The following PIWIL4 variants were observed in gnomAD, a reference collection of about 807,000 sequenced individuals.
The protein encoded by PIWIL4 is piwi like RNA-mediated gene silencing 4, also known as piwi-like protein 4.
Under a neutral mutation model 100.9 loss-of-function variants are expected in PIWIL4, and 50 were observed. The ratio of observed to expected loss-of-function variants is 0.50; its 90% CI spans 0.39 to 0.63. PIWIL4 has a LOEUF of 0.63. PIWIL4 is among the 20% of genes least tolerant of loss of function. The probability of loss-of-function intolerance (pLI) is 0.00; values close to 1 mark genes in which losing one functional copy is unlikely to be tolerated. For synonymous variants in PIWIL4, 342 were observed against 367.5 expected (o/e 0.93, Z 0.79); for missense variants, 887 against 1,043.3 (o/e 0.85, Z 2.06).
At chr11:94,599,467 C>T (rs991358122) in intron 11 of PIWIL4, among the ~76,000 whole-genome samples, 3 of 152,172 alleles carry the variant, frequency 2.0e-5, no homozygotes, top group African/African-American at 7.2e-5. Flanking sequence ...GGTACATTGT[C>T]CTGGGTCTCC....
rs1257918344 is a variant in PIWIL4, at chr11:94,619,805, A to G, written c.2214A>G (p.Arg738=). The part of the protein sequence containing the change: ...VIVVRKKCMP[R]FFTEMNRTVQ... ...TGGTCAGGAAGAAGTGCATGCCACG[A>G]TTCTTTACCGAAATGAACCGCACTG... The change falls in exon 18 of 20, where the codon CGA becomes CGG. Residue 738 remains arginine, a synonymous_variant. Coordinates refer to ENST00000299001, the MANE Select transcript of PIWIL4 (RefSeq NM_152431.3). 1.2e-6 allele frequency: 2 copies of G among 1,614,092 alleles called. No homozygotes were observed. The highest frequency in any genetic ancestry group is 1.7e-6 in the Non-Finnish European group (2 of 1,180,044).
intron 13 of PIWIL4, among the ~76,000 whole-genome samples, chr11:94,605,541 A>T (rs541290951): frequency 6.6e-6 from 1 of 152,194 alleles, no homozygotes; most frequent in Non-Finnish European, 1.5e-5. Flanking sequence ...TATCAGTTGC[A>T]TGTGTACATA....
At chr11:94,602,791 T>C (rs1377556370) in intron 12 of PIWIL4, among the ~76,000 whole-genome samples, 1 of 152,212 alleles carries the variant, frequency 6.6e-6, no homozygotes. Flanking sequence ...TCCCAAAGTC[T>C]CATTTAACAC....
At chr11:94,619,959 T>G (rs1160242756) in intron 18 of PIWIL4, 38 bp from the exon 19 acceptor site, 6 of 1,614,042 alleles carry the variant, frequency 3.7e-6, no homozygotes, top group Middle Eastern at 1.6e-4. Flanking sequence ...TTATTCTGTT[T>G]GCCTTCTTTC....
chr11:94,599,218 A>G (rs1256819290), intron 11 of PIWIL4, among the ~76,000 whole-genome samples: 1 of 152,216 alleles, frequency 6.6e-6, no homozygotes, highest in Non-Finnish European at 1.5e-5. Flanking sequence ...AAAATGATCC[A>G]TCTCATAATT....
intron 4 of PIWIL4, among the ~76,000 whole-genome samples, chr11:94,582,269 T>C (rs949667209): frequency 6.6e-6 from 1 of 152,166 alleles, no homozygotes; most frequent in African/African-American, 2.4e-5. Flanking sequence ...CTGCAGCAGT[T>C]TGAGAGGTGG....
At chr11:94,593,437 G>T in intron 8 of PIWIL4, 81 bp from the exon 9 acceptor site, 1 of 1,387,128 alleles carries the variant, frequency 7.2e-7, no homozygotes, top group South Asian at 1.3e-5. Flanking sequence ...TTAATGTTAG[G>T]ATCACCTTGT....
chr11:94,586,082 T>C (rs1406083064), intron 6 of PIWIL4, among the ~76,000 whole-genome samples: 1 of 151,960 alleles, frequency 6.6e-6, no homozygotes, highest in Non-Finnish European at 1.5e-5. Flanking sequence ...CGTAGATTCA[T>C]AAAGGGAGAA....
At chr11:94,582,413 C>G (rs888514743) in intron 4 of PIWIL4, among the ~76,000 whole-genome samples, 1 of 134,856 alleles carries the variant, frequency 7.4e-6, no homozygotes, top group African/African-American at 3.6e-5. Context: ...GTGAAAAGAT[C>G]AGTTTCTCTT....
chr11:94,609,278 G>A (rs656730), intron 15 of PIWIL4, among the ~76,000 whole-genome samples: 21,244 of 152,114 alleles, frequency 0.14, 1,536 homozygotes, highest in Middle Eastern at 0.22. Flanking sequence ...GACATTTGAC[G>A]TGGCTGTTGT....
chr11:94,607,847 G>T (rs942185456), intron 14 of PIWIL4, among the ~76,000 whole-genome samples: 4 of 152,164 alleles, frequency 2.6e-5, no homozygotes, highest in African/African-American at 9.7e-5. Flanking sequence ...TGCTAACTCA[G>T]CATAGGGACC....
chr11:94,575,037 T>C lies in PIWIL4; in HGVS notation c.205T>C (p.Phe69Leu). 1 of 1,613,334 alleles carries C rather than the reference T, an allele frequency of 6.2e-7. No individual in the cohort carries two copies. Among genetic ancestry groups the C allele is most frequent in the South Asian group, 1.1e-5 (1 of 91,062 alleles). The change falls in exon 3 of 20, where the codon TTC becomes CTC. Residue 69 changes from phenylalanine to leucine, a missense_variant. Coordinates refer to ENST00000299001, the MANE Select transcript of PIWIL4 (RefSeq NM_152431.3). ...GISSGDAGST[F>L]MERGVKNKQD... is the part of the protein sequence containing the mutation. ...ATCTTCTGGTGATGCTGGAAGTACC[T>C]TCATGGAAAGAGGTGTGAAAAACAA...
At chr11:94,603,279 A>G (rs1041414487) in intron 12 of PIWIL4, among the ~76,000 whole-genome samples, 1 of 152,110 alleles carries the variant, frequency 6.6e-6, no homozygotes, top group African/African-American at 2.4e-5. Context: ...CTGCTGGGCG[A>G]GTTTTAAAAA....
At chr11:94,612,315 GTTTTT>G (rs35206610) in intron 15 of PIWIL4, among the ~76,000 whole-genome samples, 1 of 143,420 alleles carries the variant, frequency 7.0e-6, no homozygotes, top group Non-Finnish European at 1.5e-5. Context: ...TTTTTGTGAG[GTTTTT>G]TTTTTTTTTT....
chr11:94,584,852 G>T (rs1016184825), intron 5 of PIWIL4, among the ~76,000 whole-genome samples: 32 of 152,246 alleles, frequency 2.1e-4, no homozygotes, highest in Middle Eastern at 3.4e-3. Context: ...ATCACCTGAG[G>T]TCAGGAGTTC....
In PIWIL4 at chr11:94,618,108, G is replaced by C; in HGVS notation, c.2168+1G>C. 6.4e-7 allele frequency: 1 copy of C among 1,556,064 alleles called. No individual in the cohort carries two copies. The highest frequency in any genetic ancestry group is 1.2e-5 in the South Asian group (1 of 82,338). ...TGGCAGAATCCAGCTCAAATACCAG[G>C]TATTCAATTATTGTTCTTTCCTCCA... On this transcript the variant is annotated splice_donor_variant, in intron 17 of 19. Transcript: ENST00000299001. LOFTEE classifies it high-confidence loss of function.
Position 94,621,031 on chromosome 11 carries a change from G to C in PIWIL4, c.*39G>C. ...TGGCATCACTAGATGGACAATCCAA[G>C]AAGAAATTGGTATACTTTGTGCAAA... is the stretch of plus-strand genomic sequence containing the variant. On this transcript the variant is annotated 3_prime_UTR_variant, in exon 20 of 20. Coordinates refer to ENST00000299001, the MANE Select transcript of PIWIL4 (RefSeq NM_152431.3). 1 of 1,428,354 alleles carries C rather than the reference G, an allele frequency of 7.0e-7. No homozygotes were observed. Among genetic ancestry groups the C allele is most frequent in the Non-Finnish European group, 9.9e-7 (1 of 1,012,378 alleles). The allele number at this position is 1,428,354 out of a possible 1,614,324, so 88.5% of individuals were successfully genotyped here. A position where few individuals can be genotyped will look rare whatever the true frequency, so the allele number is the denominator to read the frequency against.
chr11:94,577,628 A>T (rs1031681977), intron 4 of PIWIL4, 136 bp downstream of exon 4: 6 of 753,924 alleles, frequency 8.0e-6, no homozygotes, highest in Admixed American at 3.3e-5. Context: ...GTAAGAATTT[A>T]AAAAACTACC....
rs7927013 is a variant in PIWIL4, at chr11:94,608,929, A to G, written c.1943+243A>G. ...AGCTATTGCTCATCTTCCCCAAATGATAGATGTGTACAAATTCTTGTGCAT... is the reference window on the plus strand; with the variant it reads ...AGCTATTGCTCATCTTCCCCAAATGGTAGATGTGTACAAATTCTTGTGCAT... On this transcript the variant is annotated intron_variant, in intron 15 of 19. Coordinates refer to ENST00000299001, the MANE Select transcript of PIWIL4 (RefSeq NM_152431.3). 0.12 allele frequency among the ~76,000 whole-genome samples: 18,029 copies of G among 152,226 alleles called. 1,558 individuals carry two copies. Among genetic ancestry groups the G allele is most frequent in the African/African-American group, 0.23 (9,500 of 41,514 alleles).
Sources: allele counts gnomAD v4.1 joint callset (sites outside exome capture counted in the v4.1 genomes callset), GRCh38; gene constraint gnomAD v4.1.1; transcripts MANE v1.5; gene names NCBI Gene and HGNC (gene_info 2026-07-23, HGNC 2026-07-21).